The following CSMD1 variants were observed in gnomAD, a reference collection of about 807,000 sequenced individuals.
The protein encoded by CSMD1 is CUB and sushi domain-containing protein 1.
In CSMD1, 213 loss-of-function variants were observed where a neutral mutation model predicts 417.5. The observed-to-expected ratio is 0.51, with a 90% CI of 0.46 to 0.57. CSMD1 has a LOEUF of 0.57. CSMD1 is among the 20% of genes least tolerant of loss of function. The pLI, the probability that CSMD1 is intolerant of heterozygous loss-of-function variation, is 0.00. For synonymous variants in CSMD1, 2,862 were observed against 1,736.8 expected (o/e 1.65, Z -16.11); for missense variants, 6,923 against 4,529.7 (o/e 1.53, Z -15.17).
At chr8:3,574,638 G>C (rs530287115) in intron 10 of CSMD1, among the ~76,000 whole-genome samples, 43 of 152,286 alleles carry the variant, frequency 2.8e-4, no homozygotes, top group African/African-American at 9.9e-4. Flanking sequence ...AAGAAAGCTT[G>C]TAATATAGTG....
intron 3 of CSMD1, among the ~76,000 whole-genome samples, chr8:4,117,454 G>C (rs979842732): frequency 6.6e-6 from 1 of 152,004 alleles, no homozygotes; most frequent in African/African-American, 2.4e-5. Context: ...CAATTTCAGG[G>C]TTATGATCGT....
intron 54 of CSMD1, among the ~76,000 whole-genome samples, chr8:2,989,417 G>C (rs577235068): frequency 5.9e-5 from 9 of 152,138 alleles, no homozygotes; most frequent in Non-Finnish European, 1.2e-4. Context: ...GGATGATCCA[G>C]GCACTTCTAA....
At chr8:3,653,775 G>A (rs1238224499) in intron 7 of CSMD1, among the ~76,000 whole-genome samples, 1 of 152,132 alleles carries the variant, frequency 6.6e-6, no homozygotes, top group Non-Finnish European at 1.5e-5. Flanking sequence ...TCCCCAAAAT[G>A]ACATATCCCT....
intron 49 of CSMD1, among the ~76,000 whole-genome samples, chr8:3,074,140 T>A (rs1223296391): frequency 6.6e-6 from 1 of 152,222 alleles, no homozygotes; most frequent in African/African-American, 2.4e-5. Context: ...GAATGTTTCC[T>A]GACTGGCTGT....
At chr8:3,837,057 G>C (rs1802757325) in intron 5 of CSMD1, among the ~76,000 whole-genome samples, 1 of 151,420 alleles carries the variant, frequency 6.6e-6, no homozygotes, top group Admixed American at 6.6e-5. Flanking sequence ...ATGCCCATGG[G>C]TGATTTTCAA....
chr8:3,715,354 C>G (rs1396513253), intron 6 of CSMD1, among the ~76,000 whole-genome samples: 1 of 152,074 alleles, frequency 6.6e-6, no homozygotes, highest in Non-Finnish European at 1.5e-5. Flanking sequence ...AAGGATGGAA[C>G]CATTTCACAG....
At position 3,680,092 on chromosome 8, in the gene CSMD1, T is replaced by C. The variant is rs1379196502; in HGVS notation, c.1009+28322A>G. Reference sequence around the variant, plus strand: ...CCCACAAGAGAAAGCAGGAAAGACCTATAATCGACACCATAACATCACAAT... The same window carrying C: ...CCCACAAGAGAAAGCAGGAAAGACCCATAATCGACACCATAACATCACAAT... On this transcript the variant is annotated intron_variant, in intron 7 of 69. Coordinates refer to ENST00000635120, the MANE Select transcript of CSMD1 (RefSeq NM_033225.6). Among the ~76,000 whole-genome samples the C allele has an allele frequency of 3.9e-5, 6 of 151,974 alleles. No individual in the cohort carries two copies. The East Asian group carries it at 1.2e-3, about 29-fold the overall frequency.
chr8:4,709,338 G>C (rs189742160), intron 1 of CSMD1, among the ~76,000 whole-genome samples: 1 of 152,124 alleles, frequency 6.6e-6, no homozygotes. Flanking sequence ...CCTCTGTGTT[G>C]GATTGGGGGA....
intron 26 of CSMD1, among the ~76,000 whole-genome samples, chr8:3,234,627 G>C (rs1462339307): frequency 6.6e-6 from 1 of 152,202 alleles, no homozygotes; most frequent in African/African-American, 2.4e-5. Context: ...GGAACACAGG[G>C]AAATCCAAGC....
chr8:4,153,782 A>C (rs1330890674), intron 3 of CSMD1, among the ~76,000 whole-genome samples: 15 of 152,188 alleles, frequency 9.9e-5, no homozygotes, highest in Admixed American at 9.8e-4. Context: ...TTGTCAGGGG[A>C]AACACAGTTT....
rs73660890 is a variant in CSMD1, at chr8:4,515,645, G to C, written c.303-95580C>G. On this transcript the variant is annotated intron_variant, in intron 2 of 69. Coordinates refer to ENST00000635120, the MANE Select transcript of CSMD1 (RefSeq NM_033225.6). The stretch of plus-strand genomic sequence containing the variant: ...AACAACAGAAACAAAATAAAAATGA[G>C]AACGGATTCCCTCTAGGGTGTTTGC... 2.6e-3 allele frequency among the ~76,000 whole-genome samples: 398 copies of C among 152,238 alleles called. 5 individuals are homozygous for C. The highest frequency in any genetic ancestry group is 8.8e-3 in the African/African-American group (367 of 41,560).
intron 1 of CSMD1, among the ~76,000 whole-genome samples, chr8:4,727,437 G>A (rs1224706823): frequency 6.6e-5 from 10 of 152,164 alleles, no homozygotes; most frequent in Admixed American, 6.5e-4. Context: ...CTGGAATTAT[G>A]CGTAAGATAG....
intron 50 of CSMD1, among the ~76,000 whole-genome samples, chr8:3,050,658 A>G (rs1811761330): frequency 6.6e-6 from 1 of 152,212 alleles, no homozygotes; most frequent in African/African-American, 2.4e-5. Flanking sequence ...ATAGAAAATA[A>G]CCAAGAAATA....
intron 5 of CSMD1, among the ~76,000 whole-genome samples, chr8:3,994,849 T>C (rs1467549094): frequency 6.6e-6 from 1 of 152,188 alleles, no homozygotes; most frequent in Non-Finnish European, 1.5e-5. Flanking sequence ...TTCCTAACAA[T>C]TTTCCAAGTA....
chr8:4,162,408 G>T (rs1046272610), intron 3 of CSMD1, among the ~76,000 whole-genome samples: 7 of 152,080 alleles, frequency 4.6e-5, no homozygotes, highest in African/African-American at 1.4e-4. Context: ...AATCTTTGAG[G>T]ATATAGTGTA....
chr8:4,327,557 G>C (rs1280842202), intron 3 of CSMD1, among the ~76,000 whole-genome samples: 1 of 152,116 alleles, frequency 6.6e-6, no homozygotes, highest in Non-Finnish European at 1.5e-5. Flanking sequence ...TGGCTTTCCT[G>C]TGGGGCGCTC....
chr8:4,380,617 G>C (rs6558872), intron 3 of CSMD1, among the ~76,000 whole-genome samples: 3 of 151,898 alleles, frequency 2.0e-5, no homozygotes, highest in South Asian at 2.1e-4. Context: ...CATTCAATGC[G>C]GTACGGACTG....
In CSMD1 at chr8:3,651,295, C is replaced by G. The variant is rs147536959; in HGVS notation, c.1010-34498G>C. ...TTCCATTTCACCTTGAGTAAAAGCC[C>G]AAATCCTTACATTGATTCATAAAAC... On this transcript the variant is annotated intron_variant, in intron 7 of 69. Coordinates refer to ENST00000635120, the MANE Select transcript of CSMD1 (RefSeq NM_033225.6). Among the ~76,000 whole-genome samples the G allele has an allele frequency of 2.2e-3, 337 of 152,234 alleles. 3 individuals are homozygous for G. The highest frequency in any genetic ancestry group is 7.8e-3 in the African/African-American group (322 of 41,542).
chr8:3,966,694 A>G (rs1812695481), intron 5 of CSMD1, among the ~76,000 whole-genome samples: 1 of 152,062 alleles, frequency 6.6e-6, no homozygotes, highest in African/African-American at 2.4e-5. Flanking sequence ...ACCACAGCGT[A>G]TGCCATGCCT....
Sources: allele counts gnomAD v4.1 joint callset (sites outside exome capture counted in the v4.1 genomes callset), GRCh38; gene constraint gnomAD v4.1.1; transcripts MANE v1.5; gene names NCBI Gene and HGNC (gene_info 2026-07-23, HGNC 2026-07-21).